PCDH15: variants seen among roughly 807,000 people sequenced by gnomAD.
The protein encoded by PCDH15 is protocadherin related 15, also known as protocadherin-15.
Under a neutral mutation model 178.5 loss-of-function variants are expected in PCDH15, and 129 were observed. The observed-to-expected ratio is 0.72, with a 90% confidence interval of 0.63 to 0.84. The LOEUF (loss-of-function observed/expected upper bound fraction) is 0.84. Among genes scored for constraint, PCDH15 ranks in the 40% least tolerant of loss-of-function variants. PCDH15 has a pLI of 0.00. For synonymous variants in PCDH15, 800 were observed against 732.0 expected (o/e 1.09, Z -1.50); for missense variants, 2,230 against 2,099.9 (o/e 1.06, Z -1.21).
At chr10:54,851,281 T>TA (rs577693928) in intron 3 of PCDH15, among the ~76,000 whole-genome samples, 8 of 151,926 alleles carry the variant, frequency 5.3e-5, no homozygotes, top group South Asian at 2.1e-4. Context: ...AAGGAAGTTT[T>TA]AAAAAAATTA....
At chr10:55,048,023 C>T (rs142063357) in intron 2 of PCDH15, among the ~76,000 whole-genome samples, 291 of 151,818 alleles carry the variant, frequency 1.9e-3, no homozygotes, top group African/African-American at 6.8e-3. Context: ...TTTAAATAAG[C>T]GTATTTTACA....
intron 3 of PCDH15, among the ~76,000 whole-genome samples, chr10:54,827,135 A>G (rs570823833): frequency 6.6e-6 from 1 of 152,110 alleles, no homozygotes; most frequent in Non-Finnish European, 1.5e-5. Context: ...CCAGATAGCC[A>G]GTTCACCTCT....
intron 21 of PCDH15, among the ~76,000 whole-genome samples, chr10:53,989,738 T>C (rs1172822233): frequency 6.6e-6 from 1 of 152,126 alleles, no homozygotes; most frequent in African/African-American, 2.4e-5. Flanking sequence ...TGAGAAATCA[T>C]AGTTAGTAGC....
intron 1 of PCDH15, among the ~76,000 whole-genome samples, chr10:54,796,404 C>CT (rs755586264): frequency 7.9e-5 from 12 of 151,738 alleles, no homozygotes; most frequent in Non-Finnish European, 1.3e-4. Flanking sequence ...CTTTCTGTCT[C>CT]TATCTCTCAG....
rs577769723 is a variant in PCDH15 at position 54,113,769 on chromosome 10, C to A, written c.1917+19106G>T. ...AAACATATCTTCTTAAAATGTATTC[C>A]TTTACTATTAATTATATTTGTATTA... On this transcript the variant is annotated intron_variant, in intron 15 of 37. Coordinates refer to ENST00000644397, the MANE Select transcript of PCDH15 (RefSeq NM_001384140.1). 1.3e-5 allele frequency among the ~76,000 whole-genome samples: 2 copies of A among 152,030 alleles called. 1 individual carries two copies. The highest frequency in any genetic ancestry group is 4.2e-4 in the South Asian group (2 of 4,800).
chr10:55,081,890 T>C (rs1303410981), intron 2 of PCDH15, among the ~76,000 whole-genome samples: 1 of 152,176 alleles, frequency 6.6e-6, no homozygotes, highest in Non-Finnish European at 1.5e-5. Flanking sequence ...AGCAATTATA[T>C]ATGAACCAAG....
At chr10:54,337,412 A>G (rs1228062591) in intron 6 of PCDH15, among the ~76,000 whole-genome samples, 1 of 152,020 alleles carries the variant, frequency 6.6e-6, no homozygotes, top group African/African-American at 2.4e-5. Flanking sequence ...CATAATCCCC[A>G]AGTGTTGAGG....
At chr10:54,576,973 G>GCAAA (rs1244352674) in intron 2 of PCDH15, among the ~76,000 whole-genome samples, 2 of 152,062 alleles carry the variant, frequency 1.3e-5, no homozygotes, top group Non-Finnish European at 2.9e-5. Flanking sequence ...AAGTCTTTAT[G>GCAAA]CAAAGATAGA....
chr10:54,362,228 C>T (rs889776591), intron 5 of PCDH15, among the ~76,000 whole-genome samples: 3 of 151,876 alleles, frequency 2.0e-5, no homozygotes, highest in African/African-American at 7.3e-5. Flanking sequence ...ATGTGGTAAA[C>T]ATATCTATGC....
At chr10:55,369,555 G>T (rs1272603005) in intron 2 of PCDH15, among the ~76,000 whole-genome samples, 2 of 151,996 alleles carry the variant, frequency 1.3e-5, no homozygotes, top group Non-Finnish European at 2.9e-5. Flanking sequence ...AAATGCACCA[G>T]ACTATACAAA....
chr10:53,999,052 CAAAAA>C (rs33951115), intron 20 of PCDH15, among the ~76,000 whole-genome samples: 1 of 92,506 alleles, frequency 1.1e-5, no homozygotes, highest in Non-Finnish European at 2.1e-5. Context: ...TACTCAGTCT[CAAAAA>C]AAAAAAAAAA....
intron 1 of PCDH15, among the ~76,000 whole-genome samples, chr10:55,235,129 T>C (rs1038023243): frequency 1.3e-5 from 2 of 152,100 alleles, no homozygotes; most frequent in African/African-American, 4.8e-5. Flanking sequence ...TTTTAAAATA[T>C]ATCAATTTCT....
chr10:55,141,633 A>G (rs1055632202), intron 2 of PCDH15, among the ~76,000 whole-genome samples: 2 of 152,092 alleles, frequency 1.3e-5, no homozygotes, highest in Non-Finnish European at 2.9e-5. Context: ...AGGAGACAGT[A>G]AAATGCTTTT....
In PCDH15 at chr10:55,144,449, G is replaced by A. The variant is rs149265756; in HGVS notation, c.-80+22127C>T. Among the ~76,000 whole-genome samples, 567 of 152,240 alleles carry A rather than the reference G, an allele frequency of 3.7e-3. 6 individuals carry two copies. Among genetic ancestry groups the A allele is most frequent in the African/African-American group, 0.013 (533 of 41,558 alleles). Reference sequence around the variant, plus strand: ...CTGTTAGGAAGCCTAATTAGGGTAAGTATAACACAGAGGTGGATCTATTGA... The same window carrying A: ...CTGTTAGGAAGCCTAATTAGGGTAAATATAACACAGAGGTGGATCTATTGA... On this transcript the variant is annotated intron_variant, in intron 2 of 5. Coordinates refer to the PCDH15 transcript ENST00000458638.
chr10:54,929,391 G>A (rs879824579), intron 2 of PCDH15, among the ~76,000 whole-genome samples: 10 of 152,150 alleles, frequency 6.6e-5, no homozygotes, highest in African/African-American at 1.4e-4. Flanking sequence ...TGGGGTGCAC[G>A]ATCATCAGCT....
At chr10:54,953,496 C>T (rs1838398030) in intron 2 of PCDH15, among the ~76,000 whole-genome samples, 1 of 151,370 alleles carries the variant, frequency 6.6e-6, no homozygotes, top group African/African-American at 2.4e-5. Context: ...TTTTTCTTGG[C>T]TTCTTAAGAA....
chr10:54,872,033 TC>T (rs1483070496), intron 3 of PCDH15, among the ~76,000 whole-genome samples: 2 of 152,048 alleles, frequency 1.3e-5, no homozygotes, highest in African/African-American at 4.8e-5. Context: ...GTAAACTCAA[TC>T]CAGTGAAATA....
chr10:53,893,432 A>T (rs1396412492), intron 26 of PCDH15, among the ~76,000 whole-genome samples: 1 of 152,242 alleles, frequency 6.6e-6, no homozygotes, highest in East Asian at 1.9e-4. Flanking sequence ...AAAAGACATG[A>T]GTATATGTAA....
At chr10:54,890,691 A>G (rs750343299) in intron 3 of PCDH15, among the ~76,000 whole-genome samples, 1 of 152,030 alleles carries the variant, frequency 6.6e-6, no homozygotes, top group Non-Finnish European at 1.5e-5. Flanking sequence ...ATCACTTGGG[A>G]TACCATTTGT....
Sources: allele counts gnomAD v4.1 joint callset (sites outside exome capture counted in the v4.1 genomes callset), GRCh38; gene constraint gnomAD v4.1.1; transcripts MANE v1.5; gene names NCBI Gene and HGNC (gene_info 2026-07-23, HGNC 2026-07-21).